The following RNASEH2B variants were observed in gnomAD, a reference collection of about 807,000 sequenced individuals.
RNASEH2B encodes ribonuclease H2 subunit B, also known as Aicardi-Goutieres syndrome 2 protein.
In RNASEH2B, 36 loss-of-function variants were observed where a neutral mutation model predicts 45.0. That is an observed-to-expected ratio of 0.80 (90% CI 0.61 to 1.06). The LOEUF is 1.06. RNASEH2B is among the 50% of genes least tolerant of loss of function. The pLI, the probability that RNASEH2B is intolerant of heterozygous loss-of-function variation, is 0.00. For missense variants in RNASEH2B, 361 were observed against 360.3 expected (o/e 1.00, Z -0.02); for synonymous variants, 119 against 125.7 (o/e 0.95, Z 0.35).
chr13:50,915,752 T>C (rs1318298089), intron 1 of RNASEH2B, among the ~76,000 whole-genome samples: 1 of 152,186 alleles, frequency 6.6e-6, no homozygotes. Flanking sequence ...GACTGTTTGC[T>C]AAAGCAGAAT....
At chr13:50,933,398 T>C (rs1951706754) in intron 4 of RNASEH2B, among the ~76,000 whole-genome samples, 1 of 152,238 alleles carries the variant, frequency 6.6e-6, no homozygotes, top group African/African-American at 2.4e-5. Context: ...GCTTTCATTT[T>C]AAACCGTCGT....
intron 1 of RNASEH2B, among the ~76,000 whole-genome samples, chr13:50,922,896 C>T (rs533536071): frequency 3.3e-5 from 5 of 152,206 alleles, no homozygotes; most frequent in African/African-American, 1.2e-4. Flanking sequence ...CTACTATCAA[C>T]ATAGTCAAAG....
At chr13:50,949,318 C>A in intron 8 of RNASEH2B, 145 bp from the exon 9 acceptor site, 1 of 701,152 alleles carries the variant, frequency 1.4e-6, no homozygotes, top group Non-Finnish European at 2.6e-6. Context: ...TCATTCTTTA[C>A]ACTGAGTTGA....
intron 9 of RNASEH2B, chr13:50,951,940 A>G (rs190605796): frequency 1.7e-4 from 26 of 152,326 alleles, no homozygotes; most frequent in Admixed American, 1.4e-3. Context: ...TTTTATGTCC[A>G]TACAAAAGTA....
Position 50,927,468 on chromosome 13 carries a change from C to T in RNASEH2B, c.126C>T (p.Asn42=). ...KNGLMFVKLV[N]PCSGEGAIYL... is the part of the protein sequence containing the mutation. ...GGCTAATGTTTGTAAAACTGGTTAACCCCTGTTCAGGTAAGTTCTCTTCTC... is the reference window on the plus strand; with the variant it reads ...GGCTAATGTTTGTAAAACTGGTTAATCCCTGTTCAGGTAAGTTCTCTTCTC... The change falls in exon 2 of 11, where the codon AAC becomes AAT. Residue 42 remains asparagine (N), a synonymous_variant. Transcript: ENST00000336617. 4 of 1,596,734 alleles carry T rather than the reference C, an allele frequency of 2.5e-6. No homozygotes were observed. The highest frequency in any genetic ancestry group is 3.4e-6 in the Non-Finnish European group (4 of 1,164,380).
intron 7 of RNASEH2B, 68 bp downstream of exon 7, chr13:50,945,600 T>C: frequency 4.9e-6 from 5 of 1,023,368 alleles, no homozygotes; most frequent in Non-Finnish European, 7.7e-6. Flanking sequence ...AATGCCTATC[T>C]TAGGATTTAA....
intron 9 of RNASEH2B, among the ~76,000 whole-genome samples, chr13:50,965,428 A>G (rs1952155783): frequency 6.6e-6 from 1 of 152,222 alleles, no homozygotes. Flanking sequence ...TAAGCAACAC[A>G]TGACTGTACA....
intron 1 of RNASEH2B, among the ~76,000 whole-genome samples, chr13:50,920,323 C>T (rs925200316): frequency 1.3e-5 from 2 of 152,174 alleles, no homozygotes; most frequent in African/African-American, 4.8e-5. Flanking sequence ...ACTGGGATTA[C>T]AAGTGTGAGC....
Position 50,943,406 on chromosome 13 carries a change from C to G in RNASEH2B, c.510+12C>G, listed in dbSNP as rs755608455. The G allele has an allele frequency of 6.4e-7, 1 of 1,560,392 alleles. No homozygotes were observed. The highest frequency in any genetic ancestry group is 1.7e-5 in the Admixed American group (1 of 59,908). On this transcript the variant is annotated intron_variant, in intron 6 of 10. Transcript: ENST00000336617. ...GGCTGGAAAAAAAGGTATAGTTCCT[C>G]TCTAGTGCCTTGTGGTAAAAGTAAA...
chr13:50,968,261 G>T (rs372742495), intron 9 of RNASEH2B, among the ~76,000 whole-genome samples: 3 of 152,126 alleles, frequency 2.0e-5, no homozygotes, highest in Admixed American at 1.3e-4. Context: ...TTAGCCAGGT[G>T]TGGTGGCACA....
chr13:50,943,120 G>T, intron 5 of RNASEH2B: 4 of 499,194 alleles, frequency 8.0e-6, no homozygotes, highest in Non-Finnish European at 1.4e-5. Flanking sequence ...TACTCATTTA[G>T]TGGTTGATGA....
downstream of RNASEH2B, chr13:50,956,855 C>A: frequency 5.7e-6 from 3 of 522,410 alleles, no homozygotes; most frequent in South Asian, 7.5e-5. Context: ...GATTACAAAA[C>A]TGTGAGGTAA....
chr13:50,928,207 A>G (rs1261188474), intron 2 of RNASEH2B, among the ~76,000 whole-genome samples: 1 of 152,180 alleles, frequency 6.6e-6, no homozygotes, highest in African/African-American at 2.4e-5. Flanking sequence ...TTTTGTGTAG[A>G]CACCTGATAC....
At position 50,943,292 on chromosome 13, in the gene RNASEH2B, A is replaced by G. The variant is rs374276957; in HGVS notation, c.437-29A>G. Reference sequence around the variant, plus strand: ...TAGGAGTTTATTTTTTTTTTAATTCATTGTGCTGAGTCTTTTTTTTCTTTT... The same window carrying G: ...TAGGAGTTTATTTTTTTTTTAATTCGTTGTGCTGAGTCTTTTTTTTCTTTT... On this transcript the variant is annotated intron_variant, in intron 5 of 10. Transcript: ENST00000336617. The G allele has an allele frequency of 5.5e-6, 7 of 1,272,156 alleles. No individual in the cohort carries two copies. The African/African-American group carries it at 7.4e-5, about 13-fold the overall frequency. 78.8% of individuals were successfully genotyped at this position (1,272,156 alleles called of 1,614,324 possible).
At chr13:50,968,792 G>A (rs1258628060) in intron 9 of RNASEH2B, among the ~76,000 whole-genome samples, 1 of 152,188 alleles carries the variant, frequency 6.6e-6, no homozygotes, top group Admixed American at 6.5e-5. Context: ...TCAGCTGTCA[G>A]TGTTTTAGCA....
At chr13:50,956,922 A>G (rs1436097047), downstream of RNASEH2B, among the ~76,000 whole-genome samples, 3 of 146,014 alleles carry the variant, frequency 2.1e-5, no homozygotes, top group Admixed American at 1.4e-4. Context: ...TTTTTTTGAC[A>G]CGGAGTCTCG....
chr13:50,939,374 G>A (rs1951806492), intron 5 of RNASEH2B, among the ~76,000 whole-genome samples: 1 of 80,060 alleles, frequency 1.2e-5, no homozygotes, highest in Non-Finnish European at 2.7e-5. Context: ...AAAAAAATTA[G>A]CCAGCTGTGG....
intron 4 of RNASEH2B, 30 bp from the exon 5 acceptor site, chr13:50,934,855 T>C (rs1325303035): frequency 1.4e-6 from 2 of 1,415,576 alleles, no homozygotes; most frequent in Non-Finnish European, 2.0e-6. Context: ...TTGAATGAAA[T>C]GCTTGCTTTC....
chr13:50,918,715 T>G (rs1160329706), intron 1 of RNASEH2B, among the ~76,000 whole-genome samples: 2 of 152,226 alleles, frequency 1.3e-5, no homozygotes, highest in Non-Finnish European at 2.9e-5. Flanking sequence ...TGATTTGTCT[T>G]GCATGCATTG....
Sources: allele counts gnomAD v4.1 joint callset (sites outside exome capture counted in the v4.1 genomes callset), GRCh38; gene constraint gnomAD v4.1.1; transcripts MANE v1.5; gene names NCBI Gene and HGNC (gene_info 2026-07-23, HGNC 2026-07-21).